The following SELENOI variants were observed in gnomAD, a reference collection of about 807,000 sequenced individuals.
SELENOI encodes the protein selenoprotein I, also known as ethanolaminephosphotransferase 1.
A neutral mutation model predicts 50.7 loss-of-function variants in SELENOI; 24 were observed. That is an observed-to-expected ratio of 0.47 (90% CI 0.34 to 0.67). The LOEUF (loss-of-function observed/expected upper bound fraction) is 0.67, where lower values mean the gene tolerates loss of function less well. Among genes scored for constraint, SELENOI ranks in the 30% least tolerant of loss-of-function variants. The pLI is 0.01. For missense variants in SELENOI, 352 were observed against 461.4 expected, an observed-to-expected ratio of 0.76 and a Z score of 2.17; for synonymous variants, 155 against 170.2, an observed-to-expected ratio of 0.91 and a Z score of 0.70.
At position 26,394,974 on chromosome 2, in the gene SELENOI, C is replaced by T. The variant is rs756898772; in HGVS notation, c.*5871C>T. On this transcript the variant is annotated 3_prime_UTR_variant, in exon 10 of 10. Transcript: ENST00000260585. This position sits in a 1 kb window ranked among gnomAD's most constrained non-coding sequence, Gnocchi z 4.1. ...CCTAGAAACAACACCGCTTGAGCAACTGGAATATGTTTGCTGCAAGCAGAA... is the reference window on the plus strand; with the variant it reads ...CCTAGAAACAACACCGCTTGAGCAATTGGAATATGTTTGCTGCAAGCAGAA... 2 of 152,162 alleles carry T rather than the reference C, an allele frequency of 1.3e-5. No individual in the cohort carries two copies. The highest frequency in any genetic ancestry group is 2.4e-5 in the African/African-American group (1 of 41,438). The allele number at this position is 152,162 out of a possible 1,614,324, so 9.4% of individuals were successfully genotyped here.
At position 26,382,066 on chromosome 2, in the gene SELENOI, G is replaced by A. The variant is rs559759892; in HGVS notation, c.683-1233G>A. 2.0e-5 allele frequency among the ~76,000 whole-genome samples: 3 copies of A among 152,290 alleles called. No homozygotes were observed. In the East Asian group the frequency reaches 5.8e-4, roughly 29 times the overall value. The stretch of plus-strand genomic sequence containing the variant: ...GGAACTTATATCACTATAGATCATA[G>A]GATCAAAGAATTTTAAAGATGTAAG... On this transcript the variant is annotated intron_variant, in intron 6 of 9. Coordinates refer to ENST00000260585, the MANE Select transcript of SELENOI (RefSeq NM_033505.4).
intron 4 of SELENOI, among the ~76,000 whole-genome samples, chr2:26,372,317 G>A (rs1677474824): frequency 6.6e-6 from 1 of 152,134 alleles, no homozygotes. Flanking sequence ...GGCCATGTTG[G>A]CCAGGCTGGT....
intron 2 of SELENOI, among the ~76,000 whole-genome samples, chr2:26,364,604 CTT>C (rs973102281): frequency 6.6e-6 from 1 of 152,066 alleles, no homozygotes; most frequent in South Asian, 2.1e-4. Flanking sequence ...CTAAAATAGA[CTT>C]AATGTTATGA....
At position 26,388,662 on chromosome 2, in the gene SELENOI, T is replaced by C. The variant is rs1333426407; in HGVS notation, c.1096-343T>C. ...TTAGGAATGATTACTTAGAAATGTT[T>C]AGCAAGCTGAATATAGAGTCTAACT... is the stretch of plus-strand genomic sequence containing the variant. On this transcript the variant is annotated intron_variant, in intron 9 of 9. Coordinates refer to ENST00000260585, the MANE Select transcript of SELENOI (RefSeq NM_033505.4). 2.6e-5 allele frequency among the ~76,000 whole-genome samples: 4 copies of C among 152,332 alleles called. No individual in the cohort carries two copies. The East Asian group carries it at 7.7e-4, about 29-fold the overall frequency.
chr2:26,386,245 G>A (rs1677839762), intron 8 of SELENOI, 109 bp from the exon 9 acceptor site: 2 of 1,079,606 alleles, frequency 1.9e-6, no homozygotes, highest in African/African-American at 3.2e-5. Flanking sequence ...TAAGTGTGTT[G>A]GTTCAGGTAC....
At chr2:26,378,769 G>T (rs748084741) in intron 6 of SELENOI, among the ~76,000 whole-genome samples, 5 of 152,154 alleles carry the variant, frequency 3.3e-5, no homozygotes, top group African/African-American at 1.2e-4. Flanking sequence ...TTTGTGAGAA[G>T]AATTGTCCTC....
At position 26,391,642 on chromosome 2, in the gene SELENOI, A is replaced by G. The variant is rs1399682734; in HGVS notation, c.*2539A>G. ...CAGAATAGAGTGCCTTAGCTAGGCCAGAGGCTCGTATTGTGTTTCTGCTGA... is the reference window on the plus strand; with the variant it reads ...CAGAATAGAGTGCCTTAGCTAGGCCGGAGGCTCGTATTGTGTTTCTGCTGA... On this transcript the variant is annotated 3_prime_UTR_variant, in exon 10 of 10. Coordinates refer to ENST00000260585, the MANE Select transcript of SELENOI (RefSeq NM_033505.4). The G allele has an allele frequency of 6.6e-6, 1 of 152,184 alleles. No individual in the cohort carries two copies. The highest frequency in any genetic ancestry group is 1.9e-4 in the East Asian group (1 of 5,192). The allele number at this position is 152,184 out of a possible 1,614,324, so 9.4% of individuals were successfully genotyped here.
intron 1 of SELENOI, among the ~76,000 whole-genome samples, chr2:26,351,051 G>GTTGTTTT (rs1558409882): frequency 1.9e-4 from 19 of 102,060 alleles, no homozygotes; most frequent in African/African-American, 1.1e-3. Flanking sequence ...TTCACTGTTT[G>GTTGTTTT]TTTGTTTTTT....
intron 1 of SELENOI, among the ~76,000 whole-genome samples, chr2:26,354,553 A>AT (rs1677026817): frequency 6.7e-6 from 1 of 149,876 alleles, no homozygotes; most frequent in Non-Finnish European, 1.5e-5. Flanking sequence ...CGCCCGGCTA[A>AT]TTTTTTGTTT....
In SELENOI at chr2:26,359,691, A is replaced by G. The variant is rs568622710; in HGVS notation, c.58-4611A>G. On this transcript the variant is annotated intron_variant, in intron 1 of 9. Transcript: ENST00000260585. ...TTAACTTGTAGAGCAAAATGAAAAC[A>G]CAGGATAGATGATATAGGGCAGGGG... Among the ~76,000 whole-genome samples the G allele has an allele frequency of 2.0e-5, 3 of 152,286 alleles. No homozygotes were observed. In the South Asian group the frequency reaches 6.2e-4, roughly 32 times the overall value.
At chr2:26,388,744 G>T (rs1045603012) in intron 9 of SELENOI, among the ~76,000 whole-genome samples, 6 of 152,108 alleles carry the variant, frequency 3.9e-5, no homozygotes, top group Admixed American at 1.3e-4. Flanking sequence ...TAGTTTTTCA[G>T]ATTTGGATGT....
intron 4 of SELENOI, among the ~76,000 whole-genome samples, chr2:26,370,874 G>A (rs537725382): frequency 0.017 from 2,205 of 126,378 alleles, 32 homozygotes; most frequent in East Asian, 0.049. Flanking sequence ...CTGGCCAGGC[G>A]GGGGGCTGAC....
chr2:26,349,211 TC>T (rs1553334979), intron 1 of SELENOI, among the ~76,000 whole-genome samples: 1 of 151,486 alleles, frequency 6.6e-6, no homozygotes, highest in Non-Finnish European at 1.5e-5. Flanking sequence ...GGTGCATTTC[TC>T]CATGTTGGTC....
chr2:26,355,129 A>T lies in SELENOI; in HGVS notation c.57+8840A>T, dbSNP rs550321882. On this transcript the variant is annotated intron_variant, in intron 1 of 9. Transcript: ENST00000260585. The stretch of plus-strand genomic sequence containing the variant: ...TAAAGTGCCTGGCACATAGTGCTGT[A>T]TAAGTGCTGAGTAAATAAATAAAAC... 8.5e-5 allele frequency among the ~76,000 whole-genome samples: 13 copies of T among 152,360 alleles called. No individual in the cohort carries two copies. The South Asian group carries it at 2.7e-3, about 32-fold the overall frequency.
rs1344762063 is a variant in SELENOI, at chr2:26,352,810, T to G, written c.57+6521T>G. On this transcript the variant is annotated intron_variant, in intron 1 of 9. Coordinates refer to ENST00000260585, the MANE Select transcript of SELENOI (RefSeq NM_033505.4). ...ATAATAATAAAAAAAATTAGTGTCT[T>G]TCTCATAAAAGTCCAGATTTCTGGA... Among the ~76,000 whole-genome samples, 3 of 151,074 alleles carry G rather than the reference T, an allele frequency of 2.0e-5. No individual in the cohort carries two copies. In the East Asian group the frequency reaches 5.8e-4, roughly 29 times the overall value.
At chr2:26,383,182 C>T in intron 6 of SELENOI, 117 bp from the exon 7 acceptor site, 1 of 589,510 alleles carries the variant, frequency 1.7e-6, no homozygotes, top group Non-Finnish European at 2.9e-6. Flanking sequence ...TTTTATTACA[C>T]AAGTAAACTT....
chr2:26,385,222 A>C (rs1342890352), intron 8 of SELENOI, 83 bp downstream of exon 8: 8 of 817,842 alleles, frequency 9.8e-6, no homozygotes, highest in Non-Finnish European at 1.4e-5. Flanking sequence ...CTTTAATATT[A>C]GAATAAACAG....
At chr2:26,379,065 A>G (rs1677628132) in intron 6 of SELENOI, among the ~76,000 whole-genome samples, 1 of 152,190 alleles carries the variant, frequency 6.6e-6, no homozygotes, top group Non-Finnish European at 1.5e-5. Context: ...ATCTGAGGGC[A>G]GGAGTTTGAG....
At chr2:26,367,518 A>G (rs1461634122) in intron 4 of SELENOI, among the ~76,000 whole-genome samples, 1 of 152,112 alleles carries the variant, frequency 6.6e-6, no homozygotes, top group East Asian at 1.9e-4. Flanking sequence ...ATTCCTTTAT[A>G]TATTGTCTAT....
Sources: allele counts gnomAD v4.1 joint callset (sites outside exome capture counted in the v4.1 genomes callset), GRCh38; gene constraint gnomAD v4.1.1; non-coding constraint Gnocchi (gnomAD v3.1); transcripts MANE v1.5; gene names NCBI Gene and HGNC (gene_info 2026-07-23, HGNC 2026-07-21).